Variants in VILL observed in about 807,000 individuals in gnomAD.
The protein encoded by VILL is villin like.
Under a neutral mutation model 106.3 loss-of-function variants are expected in VILL, and 102 were observed. That is an observed-to-expected ratio of 0.96 (90% CI 0.82 to 1.13). The LOEUF is 1.13. Among genes scored for constraint, VILL ranks in the 50% most tolerant of loss-of-function variants. The probability of loss-of-function intolerance (pLI) is 0.00; values close to 1 mark genes in which losing one functional copy is unlikely to be tolerated. For missense variants in VILL, 1,076 were observed against 1,116.6 expected (o/e 0.96, Z 0.52); for synonymous variants, 431 against 440.3 (o/e 0.98, Z 0.27).
chr3:38,007,023 C>T lies in VILL; in HGVS notation c.2539C>T (p.Arg847Trp), dbSNP rs145056646. The T allele has an allele frequency of 8.1e-6, 13 of 1,614,068 alleles. No individual in the cohort carries two copies. The highest frequency in any genetic ancestry group is 1.0e-5 in the Non-Finnish European group (12 of 1,179,976). ...CTACAGCATGGCCACGTGGAGGCAG[C>T]GGCAGGAGAAAAAGCAGCTGGGCTT... ...EFYSMATWRQ[R>W]QEKKQLGFF Residue 847 changes from arginine to tryptophan, a missense_variant, in exon 20 of 20, where the codon CGG becomes TGG. Transcript: ENST00000383759.
Position 38,004,242 on chromosome 3 carries a change from C to A in VILL, c.1806-13C>A, listed in dbSNP as rs769695639. On this transcript the variant is annotated splice_polypyrimidine_tract_variant and intron_variant, in intron 15 of 19. Coordinates refer to ENST00000383759, the MANE Select transcript of VILL (RefSeq NM_015873.4). The stretch of plus-strand genomic sequence containing the variant: ...TCTGGGTGGCTCACAGCCTTGCTGT[C>A]CGTGCTGGCCAGGCTCCCTGAGGAG... The A allele has an allele frequency of 5.4e-5, 87 of 1,602,076 alleles. No homozygotes were observed. The highest frequency in any genetic ancestry group is 1.8e-4 in the Middle Eastern group (1 of 5,546).
chr3:38,003,345 C>G, intron 15 of VILL, 32 bp downstream of exon 15: 1 of 1,568,870 alleles, frequency 6.4e-7, no homozygotes, highest in Non-Finnish European at 8.6e-7. Flanking sequence ...TGTTCTTACC[C>G]AGAGGAGGAA....
At position 37,998,207 on chromosome 3, in the gene VILL, C is replaced by T. The variant is rs748260631; in HGVS notation, c.843+39C>T. On this transcript the variant is annotated intron_variant, in intron 8 of 19. Coordinates refer to ENST00000383759, the MANE Select transcript of VILL (RefSeq NM_015873.4). This position sits in a 1 kb window ranked among gnomAD's most constrained non-coding sequence, Gnocchi z 4.1. Reference sequence around the variant, plus strand: ...GGCCCCAGCTACTTGCATCCTTCCCCATCCACAACCCCAGCCCAGTCTGGA... The same window carrying T: ...GGCCCCAGCTACTTGCATCCTTCCCTATCCACAACCCCAGCCCAGTCTGGA... The T allele has an allele frequency of 6.2e-7, 1 of 1,613,850 alleles. No individual in the cohort carries two copies. The highest frequency in any genetic ancestry group is 1.3e-5 in the African/African-American group (1 of 75,044).
chr3:37,997,432 C>T lies in VILL; in HGVS notation c.562-51C>T. 1 of 1,588,410 alleles carries T rather than the reference C, an allele frequency of 6.3e-7. No individual in the cohort carries two copies. On this transcript the variant is annotated intron_variant, in intron 6 of 19. Transcript: ENST00000383759. The surrounding 1 kb of genome is among the most constrained non-coding windows in gnomAD (Gnocchi z 4.7). ...TGAGCAGTGACAGGAGAAGTCTCTGCTGTGAGAGGGCACACTGGTGACACC... is the reference window on the plus strand; with the variant it reads ...TGAGCAGTGACAGGAGAAGTCTCTGTTGTGAGAGGGCACACTGGTGACACC...
At position 37,994,255 on chromosome 3, in the gene VILL, C is replaced by A; in HGVS notation, c.136-6C>A. 6.2e-7 allele frequency: 1 copy of A among 1,602,976 alleles called. No individual in the cohort carries two copies. The highest frequency in any genetic ancestry group is 8.5e-7 in the Non-Finnish European group (1 of 1,177,270). The stretch of plus-strand genomic sequence containing the variant: ...CAACACATATACACAAACACCCGGA[C>A]CCTAGGTCCCCCAGAGCCCGAAGGC... On this transcript the variant is annotated splice_polypyrimidine_tract_variant and splice_region_variant and intron_variant, in intron 3 of 19. Transcript: ENST00000383759.
At chr3:38,001,297 C>A in intron 11 of VILL, 159 bp from the exon 12 acceptor site, 4 of 1,106,978 alleles carry the variant, frequency 3.6e-6, no homozygotes, top group Non-Finnish European at 5.1e-6. Context: ...CAAAGCCCAG[C>A]ACAAGGCCCA....
At chr3:37,992,097 A>G (rs1163444060) in intron 1 of VILL, among the ~76,000 whole-genome samples, 1 of 152,062 alleles carries the variant, frequency 6.6e-6, no homozygotes, top group Non-Finnish European at 1.5e-5. Context: ...CCAGTCCCCC[A>G]TGTGCCCTGG....
intron 5 of VILL, among the ~76,000 whole-genome samples, chr3:37,996,226 G>C (rs1352889183): frequency 6.6e-6 from 1 of 152,172 alleles, no homozygotes; most frequent in Non-Finnish European, 1.5e-5. Flanking sequence ...TGGGGCAGAT[G>C]ATATGGCGCC....
Position 37,999,043 on chromosome 3 carries a change from C to T in VILL, c.1074C>T (p.Gly358=). The T allele has an allele frequency of 9.9e-7, 1 of 1,011,362 alleles. No homozygotes were observed. Among genetic ancestry groups the T allele is most frequent in the Non-Finnish European group, 1.3e-6 (1 of 776,680 alleles). 62.6% of individuals were successfully genotyped at this position (1,011,362 alleles called of 1,614,324 possible). The change falls in exon 10 of 20, where the codon GGC becomes GGT. Residue 358 remains glycine (G), a synonymous_variant. Coordinates refer to ENST00000383759, the MANE Select transcript of VILL (RefSeq NM_015873.4). ...SEKRRRNQKL[G]GRDKSIHVKL... The stretch of plus-strand genomic sequence containing the variant: ...AGCGGCGCAGGAACCAGAAGCTCGG[C>T]GGGAGGGGTGAGCGGGCGGGGCGGG...
intron 11 of VILL, among the ~76,000 whole-genome samples, chr3:38,000,743 G>C (rs1482269865): frequency 6.6e-6 from 1 of 152,198 alleles, no homozygotes; most frequent in Non-Finnish European, 1.5e-5. Flanking sequence ...TGAAAGACAG[G>C]GCTCTGGCTG....
chr3:37,999,140 G>A, intron 10 of VILL, 90 bp downstream of exon 10: 1 of 1,069,462 alleles, frequency 9.4e-7, no homozygotes, highest in East Asian at 3.1e-5. Context: ...GGATGGGTGA[G>A]CGGGCGGGGC....
Position 37,994,344 on chromosome 3 carries a change from G to T in VILL, c.219G>T (p.Gln73His). The change falls in exon 4 of 20, where the codon CAG (glutamine) becomes CAT (histidine). Residue 73 changes from glutamine to histidine, a missense_variant. Transcript: ENST00000383759. ...GGAAGCAGGCGGGTGCGGAAGCGCA[G>T]GGCGCTGCGGAGGCCTTCCAGCAGC... The part of the protein sequence containing the change: ...WVGKQAGAEA[Q>H]GAAEAFQQRL... 6.2e-7 allele frequency: 1 copy of T among 1,611,432 alleles called. No homozygotes were observed. The highest frequency in any genetic ancestry group is 8.5e-7 in the Non-Finnish European group (1 of 1,179,640).
chr3:38,004,549 T>C, intron 16 of VILL, 150 bp downstream of exon 16: 1 of 1,035,746 alleles, frequency 9.7e-7, no homozygotes, highest in South Asian at 1.6e-5. Flanking sequence ...TTGCGGTGCA[T>C]ATGAGACCAT....
At chr3:38,006,830 G>GCAAA (rs1228040065) in intron 19 of VILL, 112 bp from the exon 20 acceptor site, 16 of 1,515,136 alleles carry the variant, frequency 1.1e-5, no homozygotes, top group African/African-American at 1.4e-5. Flanking sequence ...GGGGTGGTGG[G>GCAAA]CAAACAGATG....
chr3:38,003,423 C>G, intron 15 of VILL, 110 bp downstream of exon 15: 9 of 1,340,860 alleles, frequency 6.7e-6, no homozygotes, highest in Non-Finnish European at 8.9e-6. Context: ...AGACTAGAAC[C>G]AAGGACTCTC....
At chr3:37,999,182 G>T in intron 10 of VILL, 132 bp downstream of exon 10, 1 of 1,246,074 alleles carries the variant, frequency 8.0e-7, no homozygotes, top group Non-Finnish European at 1.1e-6. Context: ...TGGTCTGCAC[G>T]GGGCGGAACA....
chr3:38,004,055 G>A (rs1286823183), intron 15 of VILL, 200 bp from the exon 16 acceptor site: 5 of 591,860 alleles, frequency 8.4e-6, no homozygotes, highest in Non-Finnish European at 8.3e-6. Flanking sequence ...TGGGTGGGGC[G>A]AGAGCTTTCT....
intron 15 of VILL, chr3:38,003,584 A>G (rs1427703559): frequency 8.8e-6 from 4 of 454,790 alleles, no homozygotes; most frequent in Non-Finnish European, 1.6e-5. Flanking sequence ...GTCCTGGGCC[A>G]GGGGACAAAG....
chr3:38,003,043 G>C, intron 14 of VILL, 125 bp from the exon 15 acceptor site: 1 of 1,216,638 alleles, frequency 8.2e-7, no homozygotes, highest in Non-Finnish European at 1.1e-6. Context: ...CTGGTGTCCT[G>C]CTGTCAGCTT....
Sources: allele counts gnomAD v4.1 joint callset (sites outside exome capture counted in the v4.1 genomes callset), GRCh38; gene constraint gnomAD v4.1.1; non-coding constraint Gnocchi (gnomAD v3.1); transcripts MANE v1.5; gene names NCBI Gene and HGNC (gene_info 2026-07-23, HGNC 2026-07-21).